RGL1: variants seen among roughly 807,000 people sequenced by gnomAD.
RGL1 encodes the protein ral guanine nucleotide dissociation stimulator like 1.
In RGL1, 24 loss-of-function variants were observed where a neutral mutation model predicts 95.2. That is an observed-to-expected ratio of 0.25 (90% confidence interval 0.18 to 0.35). RGL1 has a LOEUF of 0.35. Ranked by LOEUF, RGL1 falls within the 10% of genes least tolerant of loss-of-function variation. The pLI, the probability that RGL1 is intolerant of heterozygous loss-of-function variation, is 1.00. For synonymous variants in RGL1, 329 were observed against 344.9 expected (o/e 0.95, Z 0.51); for missense variants, 715 against 936.3 (o/e 0.76, Z 3.08).
intron 2 of RGL1, among the ~76,000 whole-genome samples, chr1:183,760,232 T>C (rs1658585128): frequency 6.6e-6 from 1 of 152,194 alleles, no homozygotes; most frequent in Non-Finnish European, 1.5e-5. Context: ...AGTCATAATC[T>C]TTTTGCTGGC....
chr1:183,817,950 C>T (rs1033912980), intron 2 of RGL1, among the ~76,000 whole-genome samples: 3 of 152,064 alleles, frequency 2.0e-5, no homozygotes, highest in Non-Finnish European at 4.4e-5. Context: ...TCTCAGGGAC[C>T]GAAAGTTGAT....
At chr1:183,780,358 T>C (rs776085797) in intron 2 of RGL1, among the ~76,000 whole-genome samples, 1 of 152,220 alleles carries the variant, frequency 6.6e-6, no homozygotes, top group Non-Finnish European at 1.5e-5. Flanking sequence ...TAATTGGCCC[T>C]CAGGGTAAAC....
chr1:183,748,394 C>CTTTT lies in RGL1; in HGVS notation c.132+6131_132+6134dup, dbSNP rs56920504. 1.9e-3 allele frequency among the ~76,000 whole-genome samples: 132 copies of CTTTT among 69,720 alleles called. 25 individuals are homozygous for CTTTT. Among genetic ancestry groups the CTTTT allele is most frequent in the African/African-American group, 7.0e-3 (105 of 15,086 alleles). The allele number at this position is 69,720 out of a possible 152,430, so 45.7% of individuals were successfully genotyped here. A position where few individuals can be genotyped will look rare whatever the true frequency, so the allele number is the denominator to read the frequency against. On this transcript the variant is annotated intron_variant, in intron 2 of 18. Coordinates refer to the RGL1 transcript ENST00000304685. The stretch of plus-strand genomic sequence containing the variant: ...TTTGAATTTGTTTGCTTCTCTAGTT[C>CTTTT]TTTTTTTTTTTTTTTTTTTTTTTTT...
At chr1:183,700,046 C>T (rs749678201) in intron 1 of RGL1, among the ~76,000 whole-genome samples, 39 of 152,130 alleles carry the variant, frequency 2.6e-4, no homozygotes, top group Non-Finnish European at 4.6e-4. Context: ...CAAGCCTTCC[C>T]GTATTGCATG....
intron 1 of RGL1, among the ~76,000 whole-genome samples, chr1:183,693,389 A>T (rs1654072833): frequency 6.6e-6 from 1 of 152,046 alleles, no homozygotes; most frequent in South Asian, 2.1e-4. Flanking sequence ...TGGAAGGCAC[A>T]TTTTACCTGG....
rs1218990008 is a variant in RGL1 at position 183,922,234 on chromosome 1, G to A, written c.2017G>A (p.Asp673Asn). ...ATTGTCTTTGCAGTTGACGAGCCAG[G>A]ATAAAACCCCCGCTGTGATCCAGAG... ...MYKSIMLTSQ[D>N]KTPAVIQRAM... The change falls in exon 17 of 18, where the codon GAT becomes AAT. Residue 673 changes from aspartate to asparagine, a missense_variant. This residue lies in a region of RGL1 where 330 missense variants were observed against 429.6 expected (regional missense o/e 0.77). Transcript: ENST00000360851. The A allele has an allele frequency of 6.2e-7, 1 of 1,614,070 alleles. No individual in the cohort carries two copies. Among genetic ancestry groups the A allele is most frequent in the East Asian group, 2.2e-5 (1 of 44,860 alleles).
At chr1:183,685,150 A>G (rs1186186127) in intron 1 of RGL1, among the ~76,000 whole-genome samples, 5 of 150,322 alleles carry the variant, frequency 3.3e-5, no homozygotes, top group African/African-American at 5.0e-5. Context: ...AGAACATTCT[A>G]CATTGGCTTT....
intron 2 of RGL1, among the ~76,000 whole-genome samples, chr1:183,830,047 A>G (rs1222234958): frequency 6.6e-6 from 1 of 152,138 alleles, no homozygotes; most frequent in Admixed American, 6.5e-5. Context: ...GTGTCCTATA[A>G]TAGTATGCAG....
At chr1:183,871,509 A>G (rs1572531963) in intron 4 of RGL1, among the ~76,000 whole-genome samples, 1 of 152,334 alleles carries the variant, frequency 6.6e-6, no homozygotes, top group East Asian at 1.9e-4. Flanking sequence ...GGGACTCACT[A>G]TTGGATTTAA....
At chr1:183,642,822 C>T (rs1650016909) in intron 1 of RGL1, among the ~76,000 whole-genome samples, 1 of 152,148 alleles carries the variant, frequency 6.6e-6, no homozygotes. Context: ...AAGTCACTAT[C>T]TTAACCATTT....
chr1:183,771,258 G>C (rs1435398568), intron 2 of RGL1, among the ~76,000 whole-genome samples: 1 of 151,234 alleles, frequency 6.6e-6, no homozygotes, highest in Non-Finnish European at 1.5e-5. Flanking sequence ...TTACATTTTA[G>C]TGTAGAGAGC....
chr1:183,781,343 C>A (rs1659892075), intron 2 of RGL1, among the ~76,000 whole-genome samples: 1 of 152,168 alleles, frequency 6.6e-6, no homozygotes, highest in East Asian at 1.9e-4. Context: ...TTATGGATTG[C>A]TCTGCTAAGA....
intron 9 of RGL1, 31 bp downstream of exon 9, chr1:183,892,192 G>A: frequency 7.0e-7 from 1 of 1,430,674 alleles, no homozygotes; most frequent in Non-Finnish European, 9.8e-7. Flanking sequence ...GCTGTGTAGT[G>A]CTGTTAATAG....
At chr1:183,660,285 C>G (rs1430955842) in intron 1 of RGL1, among the ~76,000 whole-genome samples, 5 of 151,918 alleles carry the variant, frequency 3.3e-5, no homozygotes. Context: ...GAGTCAAGAC[C>G]CATCAGTGTG....
At chr1:183,925,697 G>A (rs1425406232) in intron 17 of RGL1, among the ~76,000 whole-genome samples, 1 of 152,134 alleles carries the variant, frequency 6.6e-6, no homozygotes, top group Non-Finnish European at 1.5e-5. Context: ...CTTAGTCTTT[G>A]AGAAAATCTG....
Position 183,847,744 on chromosome 1 carries a change from C to T in RGL1, c.317C>T (p.Thr106Ile). ...TCAACGTACAGAGGCTTTGCCTCCA[C>T]TAAAGAAGTGCTGGAACTACTGCTG... ...FLSTYRGFAS[T>I]KEVLELLLDR... Residue 106 changes from threonine (T) to isoleucine (I), a missense_variant, in exon 3 of 18, where the codon ACT becomes ATT. This residue lies in a region of RGL1 where 381 missense variants were observed against 484.8 expected (regional missense o/e 0.79). Transcript: ENST00000360851. 6.2e-7 allele frequency: 1 copy of T among 1,613,992 alleles called. No individual in the cohort carries two copies. Among genetic ancestry groups the T allele is most frequent in the South Asian group, 1.1e-5 (1 of 91,082 alleles).
At chr1:183,708,957 A>C (rs1303727385) in intron 1 of RGL1, among the ~76,000 whole-genome samples, 1 of 152,202 alleles carries the variant, frequency 6.6e-6, no homozygotes, top group East Asian at 1.9e-4. Context: ...AATGAACACC[A>C]CAAGGCGGTG....
intron 4 of RGL1, among the ~76,000 whole-genome samples, chr1:183,867,271 G>GTGTT (rs1665895258): frequency 6.6e-6 from 1 of 152,180 alleles, no homozygotes; most frequent in South Asian, 2.1e-4. Context: ...GGTTCCTTGG[G>GTGTT]TGTTTAGAGT....
intron 2 of RGL1, among the ~76,000 whole-genome samples, chr1:183,794,888 T>C (rs1033424578): frequency 6.6e-6 from 1 of 152,256 alleles, no homozygotes; most frequent in Admixed American, 6.5e-5. Context: ...CCTGCTCTCT[T>C]TATCTGTACT....
Sources: allele counts gnomAD v4.1 joint callset (sites outside exome capture counted in the v4.1 genomes callset), GRCh38; gene constraint gnomAD v4.1.1; regional missense constraint gnomAD v4.1.1; transcripts MANE v1.5; gene names NCBI Gene and HGNC (gene_info 2026-07-23, HGNC 2026-07-21).